The following CENPH variants were observed in gnomAD, a reference collection of about 807,000 sequenced individuals.
The protein encoded by CENPH is centromere protein H, also known as CENP-H.
In CENPH, 40 loss-of-function variants were observed where a neutral mutation model predicts 42.9. The ratio of observed to expected loss-of-function variants is 0.93; its 90% CI spans 0.72 to 1.21. The LOEUF (loss-of-function observed/expected upper bound fraction) is 1.21, where lower values mean the gene tolerates loss of function less well. Ranked by LOEUF, CENPH falls within the 50% of genes most tolerant of loss-of-function variation. The pLI is 0.00. For missense variants in CENPH, 302 were observed against 292.9 expected (o/e 1.03, Z -0.23); for synonymous variants, 88 against 96.5 (o/e 0.91, Z 0.52).
chr5:69,197,084 C>G lies in CENPH; in HGVS notation c.346C>G (p.Leu116Val). 6.3e-7 allele frequency: 1 copy of G among 1,580,456 alleles called. No homozygotes were observed. Among genetic ancestry groups the G allele is most frequent in the Non-Finnish European group, 8.6e-7 (1 of 1,169,482 alleles). ...ACTTTCAACTGCACTTAAAAAAAAC[C>G]TGGAGAAAATTAGCAGACAGTCTAG... ...MRLSTALKKN[L>V]EKISRQSSVL... is the part of the protein sequence containing the mutation. Residue 116 changes from leucine (L) to valine (V), a missense_variant, in exon 5 of 9, where the codon CTG (leucine) becomes GTG (valine). Physicochemically the swap from Leu to Val is conservative, Grantham distance 32 (BLOSUM62 1). Transcript: ENST00000283006.
chr5:69,194,690 C>T lies in CENPH; in HGVS notation c.234C>T (p.Ile78=), dbSNP rs1047082948. The T allele has an allele frequency of 2.7e-5, 42 of 1,575,372 alleles. No homozygotes were observed. Among genetic ancestry groups the T allele is most frequent in the Non-Finnish European group, 3.5e-5 (40 of 1,155,364 alleles). The change falls in exon 3 of 9, where the codon ATC becomes ATT. Residue 78 remains isoleucine (I), a synonymous_variant. Coordinates refer to ENST00000283006, the MANE Select transcript of CENPH (RefSeq NM_022909.4). The part of the protein sequence containing the change: ...TPEQIMQEKQ[I]EAKIEDLENE... ...AACAAATTATGCAAGAAAAGCAAAT[C>T]GAAGCGTATGTTATATTTAAAAATT...
At chr5:69,192,754 T>A (rs1477615778) in intron 2 of CENPH, among the ~76,000 whole-genome samples, 1 of 152,180 alleles carries the variant, frequency 6.6e-6, no homozygotes, top group Non-Finnish European at 1.5e-5. Context: ...AGAGTGAGAC[T>A]GTCAGGCAAT....
chr5:69,189,987 A>G (rs1747840007), intron 1 of CENPH, among the ~76,000 whole-genome samples: 1 of 152,218 alleles, frequency 6.6e-6, no homozygotes, highest in African/African-American at 2.4e-5. Context: ...GAGATAGTCT[A>G]GGAAAGTGTT....
intron 2 of CENPH, among the ~76,000 whole-genome samples, chr5:69,193,789 T>A (rs1296037972): frequency 4.6e-5 from 7 of 151,366 alleles, no homozygotes; most frequent in African/African-American, 1.7e-4. Context: ...GTAGCCAGGA[T>A]TACAGGCACC....
At chr5:69,204,597 CTTTTTTT>C (rs530678541) in intron 7 of CENPH, among the ~76,000 whole-genome samples, 22 of 69,598 alleles carry the variant, frequency 3.2e-4, no homozygotes, top group Non-Finnish European at 4.7e-4. Flanking sequence ...GCTTGTATTT[CTTTTTTT>C]TTTTTTTTTT....
intron 5 of CENPH, among the ~76,000 whole-genome samples, chr5:69,199,394 C>T (rs897092027): frequency 3.3e-5 from 5 of 152,092 alleles, no homozygotes; most frequent in South Asian, 2.1e-4. Context: ...AGGCTGGTCG[C>T]GAACTGCTGA....
At chr5:69,196,001 T>C (rs938144346) in intron 4 of CENPH, among the ~76,000 whole-genome samples, 14 of 152,174 alleles carry the variant, frequency 9.2e-5, no homozygotes, top group African/African-American at 3.4e-4. Context: ...TACAGCGACA[T>C]GATCACTGCT....
intron 8 of CENPH, among the ~76,000 whole-genome samples, chr5:69,209,494 G>A (rs1021070288): frequency 3.3e-5 from 5 of 151,346 alleles, no homozygotes; most frequent in Non-Finnish European, 5.9e-5. Context: ...GCTGAAGACC[G>A]CACCATTGCA....
chr5:69,196,023 C>G (rs574535134), intron 4 of CENPH, among the ~76,000 whole-genome samples: 3 of 152,288 alleles, frequency 2.0e-5, no homozygotes, highest in Non-Finnish European at 2.9e-5. Context: ...ACTGTAGCCT[C>G]AACCTCCCAA....
chr5:69,192,836 C>T (rs903172468), intron 2 of CENPH, among the ~76,000 whole-genome samples: 1 of 152,066 alleles, frequency 6.6e-6, no homozygotes, highest in Non-Finnish European at 1.5e-5. Context: ...GTAGCTCACA[C>T]CTGTAATCCC....
intron 5 of CENPH, among the ~76,000 whole-genome samples, chr5:69,200,707 G>A (rs1458418512): frequency 2.9e-5 from 3 of 104,178 alleles, no homozygotes; most frequent in African/African-American, 9.4e-5. Context: ...CAAACTTTCT[G>A]AATCAGCGTA....
chr5:69,191,003 A>G (rs1290660229), intron 1 of CENPH, among the ~76,000 whole-genome samples: 1 of 152,168 alleles, frequency 6.6e-6, no homozygotes, highest in African/African-American at 2.4e-5. Flanking sequence ...GTCATCTTAA[A>G]TTACCATTTG....
Position 69,195,752 on chromosome 5 carries a change from T to TAA in CENPH, c.278_279dup (p.Val94LysfsTer6), listed in dbSNP as rs1747952503. 6.4e-7 allele frequency: 1 copy of TAA among 1,562,492 alleles called. No homozygotes were observed. Among genetic ancestry groups the TAA allele is most frequent in the Non-Finnish European group, 8.7e-7 (1 of 1,150,376 alleles). ...GACCTGGAAAATGAAATTGAAGAGGTAAAAGTTGCTTTTGAGATAAAAAAG... is the reference window on the plus strand; with the variant it reads ...GACCTGGAAAATGAAATTGAAGAGGTAAAAAAGTTGCTTTTGAGATAAAAAAG... On this transcript the variant is annotated frameshift_variant, in exon 4 of 9. Transcript: ENST00000283006. LOFTEE classifies it high-confidence loss of function.
At chr5:69,203,700 A>G (rs926169755) in intron 7 of CENPH, among the ~76,000 whole-genome samples, 2 of 151,980 alleles carry the variant, frequency 1.3e-5, no homozygotes, top group Non-Finnish European at 1.5e-5. Context: ...ACGGGATTTC[A>G]CCTTGTTGGT....
At chr5:69,190,519 T>C (rs1166785717) in intron 1 of CENPH, among the ~76,000 whole-genome samples, 2 of 152,224 alleles carry the variant, frequency 1.3e-5, no homozygotes, top group Non-Finnish European at 2.9e-5. Flanking sequence ...AAAAATTTAC[T>C]ATCAGGTCCT....
intron 7 of CENPH, among the ~76,000 whole-genome samples, chr5:69,203,904 G>A (rs1748098708): frequency 6.7e-6 from 1 of 149,100 alleles, no homozygotes; most frequent in South Asian, 2.1e-4. Context: ...CCTCTTTTCT[G>A]TGTGACCACA....
intron 7 of CENPH, among the ~76,000 whole-genome samples, chr5:69,205,594 G>C (rs937090014): frequency 1.3e-5 from 2 of 151,560 alleles, no homozygotes; most frequent in African/African-American, 4.9e-5. Context: ...GCTCACTACA[G>C]CCTCAACTTC....
intron 5 of CENPH, among the ~76,000 whole-genome samples, chr5:69,197,971 A>C (rs1353870468): frequency 1.7e-5 from 2 of 116,728 alleles, no homozygotes; most frequent in Admixed American, 2.6e-4. Context: ...CCCAGGCCGG[A>C]GTGCAGTGGC....
intron 5 of CENPH, among the ~76,000 whole-genome samples, chr5:69,198,159 A>T (rs1001702079): frequency 6.6e-6 from 1 of 151,312 alleles, no homozygotes; most frequent in Non-Finnish European, 1.5e-5. Flanking sequence ...TGACCTCGTG[A>T]TCCACCCGCC....
Sources: allele counts gnomAD v4.1 joint callset (sites outside exome capture counted in the v4.1 genomes callset), GRCh38; gene constraint gnomAD v4.1.1; transcripts MANE v1.5; gene names NCBI Gene and HGNC (gene_info 2026-07-23, HGNC 2026-07-21).